The following DAB2 variants were observed in gnomAD, a reference collection of about 807,000 sequenced individuals.
DAB2 encodes the protein disabled homolog 2.
A neutral mutation model predicts 71.6 loss-of-function variants in DAB2; 28 were observed. The ratio of observed to expected loss-of-function variants is 0.39; its 90% CI spans 0.29 to 0.54. The LOEUF (loss-of-function observed/expected upper bound fraction) is 0.54, where lower values mean the gene tolerates loss of function less well. Among genes scored for constraint, DAB2 ranks in the 20% least tolerant of loss-of-function variants. The probability of loss-of-function intolerance (pLI) is 0.68; values close to 1 mark genes in which losing one functional copy is unlikely to be tolerated. For missense variants in DAB2, 867 were observed against 928.8 expected, an observed-to-expected ratio of 0.93 and a Z score of 0.86; for synonymous variants, 345 against 339.7, an observed-to-expected ratio of 1.02 and a Z score of -0.17.
chr5:39,412,837 T>C (rs547525425), intron 1 of DAB2, among the ~76,000 whole-genome samples: 39 of 152,270 alleles, frequency 2.6e-4, no homozygotes, highest in Non-Finnish European at 2.2e-4. Flanking sequence ...TTAATGTCTT[T>C]GCTTTACAAC....
At chr5:39,375,460 T>C (rs1274283205) in intron 13 of DAB2, among the ~76,000 whole-genome samples, 3 of 152,240 alleles carry the variant, frequency 2.0e-5, no homozygotes, top group Non-Finnish European at 4.4e-5. Flanking sequence ...AAGGATGTTT[T>C]CTATGTGATA....
rs576773941 is a variant in DAB2 at position 39,406,844 on chromosome 5, T to C, written c.-101-12423A>G. ...ACTTACATGAAAAATATTAGAGTTT[T>C]AATATTAAAAAAAACTACTACTGAC... On this transcript the variant is annotated intron_variant, in intron 1 of 14. Transcript: ENST00000320816. Among the ~76,000 whole-genome samples, 28 of 152,174 alleles carry C rather than the reference T, an allele frequency of 1.8e-4. 1 individual carries two copies. The highest frequency in any genetic ancestry group is 1.5e-3 in the East Asian group (8 of 5,194).
At chr5:39,375,216 G>A (rs62358391) in intron 13 of DAB2, 132 bp from the exon 14 acceptor site, 22,061 of 626,110 alleles carry the variant, frequency 0.035, 477 homozygotes, top group Non-Finnish European at 0.045. Context: ...CATTATATGG[G>A]GCTTACAGTG....
chr5:39,412,756 G>C (rs1755760115), intron 1 of DAB2, among the ~76,000 whole-genome samples: 1 of 152,136 alleles, frequency 6.6e-6, no homozygotes, highest in South Asian at 2.1e-4. Context: ...ATCCCTATTT[G>C]ACAGGAGAGG....
rs1244630680 is a variant in DAB2, at chr5:39,384,722, C to T, written c.688-1451G>A. Among the ~76,000 whole-genome samples, 8 of 152,108 alleles carry T rather than the reference C, an allele frequency of 5.3e-5. No individual in the cohort carries two copies. In the South Asian group the frequency reaches 1.2e-3, roughly 24 times the overall value. ...AGTAAAAGACAGAATTATAACTCAT[C>T]CTAGAACAGAACTTTCATACTGACA... On this transcript the variant is annotated intron_variant, in intron 9 of 14. Transcript: ENST00000320816.
chr5:39,381,701 C>A, intron 10 of DAB2, 85 bp from the exon 11 acceptor site: 1 of 1,454,738 alleles, frequency 6.9e-7, no homozygotes. Flanking sequence ...CCCTATACCC[C>A]AATTTGAGAG....
intron 1 of DAB2, among the ~76,000 whole-genome samples, chr5:39,416,770 C>T (rs978310188): frequency 1.2e-4 from 19 of 152,086 alleles, no homozygotes; most frequent in African/African-American, 2.9e-4. Flanking sequence ...GAGCTCTTCT[C>T]TCAATTCAAT....
At chr5:39,404,556 C>A (rs1252368242) in intron 1 of DAB2, among the ~76,000 whole-genome samples, 1 of 149,086 alleles carries the variant, frequency 6.7e-6, no homozygotes, top group East Asian at 2.0e-4. Context: ...AATAAGGGCA[C>A]ATTCTTTGTT....
intron 1 of DAB2, among the ~76,000 whole-genome samples, chr5:39,403,698 A>G (rs540141792): frequency 1.2e-3 from 168 of 144,614 alleles, no homozygotes; most frequent in Non-Finnish European, 1.8e-3. Context: ...TTGGCCTTTT[A>G]GTTTTAGTTT....
intron 11 of DAB2, among the ~76,000 whole-genome samples, chr5:39,378,606 C>G (rs1754887267): frequency 6.6e-6 from 1 of 152,222 alleles, no homozygotes; most frequent in African/African-American, 2.4e-5. Flanking sequence ...CATGGGCACA[C>G]ATGGTGTACT....
At chr5:39,380,986 T>C (rs780505753) in intron 11 of DAB2, among the ~76,000 whole-genome samples, 1 of 152,212 alleles carries the variant, frequency 6.6e-6, no homozygotes, top group Non-Finnish European at 1.5e-5. Context: ...CTATGACTTA[T>C]TCTTGCTTCA....
At chr5:39,390,394 A>G in intron 5 of DAB2, 50 bp downstream of exon 5, 1 of 1,575,990 alleles carries the variant, frequency 6.3e-7, no homozygotes, top group South Asian at 1.2e-5. Context: ...AGACACTCCA[A>G]TGTCCACAGA....
intron 4 of DAB2, chr5:39,392,129 ATTAACAGAC>A (rs1056710436): frequency 5.2e-6 from 2 of 382,604 alleles, no homozygotes; most frequent in African/African-American, 2.1e-5. Flanking sequence ...ATCTAAGCCT[ATTAACAGAC>A]TTAACAGACT....
At chr5:39,409,943 G>C (rs1755684926) in intron 1 of DAB2, among the ~76,000 whole-genome samples, 1 of 152,070 alleles carries the variant, frequency 6.6e-6, no homozygotes, top group Admixed American at 6.6e-5. Context: ...CTTCTTTCTT[G>C]GTTGTAATAC....
chr5:39,392,427 T>C lies in DAB2; in HGVS notation c.268A>G (p.Lys90Glu). ...AAAGRSQGQH[K>E]QRIWVNISLS... ...GAAATGTTGACCCAGATCCTTTGTT[T>C]GTGTTGTCCCTGAGACCGACCAGCT... The change falls in exon 4 of 15, where the codon AAA (lysine) becomes GAA (glutamate). Residue 90 changes from lysine (K) to glutamate (E), a missense_variant. Around this residue, in one of 2 missense-constraint regions of DAB2, gnomAD observed 127 missense variants for 194.4 expected, o/e 0.65. Transcript: ENST00000320816. The C allele has an allele frequency of 6.2e-7, 1 of 1,614,176 alleles. No homozygotes were observed. The highest frequency in any genetic ancestry group is 8.5e-7 in the Non-Finnish European group (1 of 1,180,004).
chr5:39,382,898 G>T lies in DAB2; in HGVS notation c.1061C>A (p.Thr354Asn). ...GCCTGCCTGAGCTTCCTGTTTGCCAGTCCGGTTAGAGATCTGGTCAAATTG... is the reference window on the plus strand; with the variant it reads ...GCCTGCCTGAGCTTCCTGTTTGCCATTCCGGTTAGAGATCTGGTCAAATTG... ...GQQFDQISNRTGKQEAQAGPW... is the reference protein window; with the variant it reads ...GQQFDQISNRNGKQEAQAGPW... Residue 354 changes from threonine to asparagine, a missense_variant, in exon 10 of 15, where the codon ACT becomes AAT. Thr to Asn is a moderately conservative substitution (Grantham distance 65, BLOSUM62 0). Around this residue, in one of 2 missense-constraint regions of DAB2, gnomAD observed 740 missense variants for 734.3 expected, o/e 1.01. Transcript: ENST00000320816. The T allele has an allele frequency of 6.2e-7, 1 of 1,614,152 alleles. No homozygotes were observed. The highest frequency in any genetic ancestry group is 2.2e-5 in the East Asian group (1 of 44,878).
chr5:39,409,846 C>G (rs1411865214), intron 1 of DAB2, among the ~76,000 whole-genome samples: 1 of 152,090 alleles, frequency 6.6e-6, no homozygotes, highest in Non-Finnish European at 1.5e-5. Context: ...ATTTAGATGA[C>G]CTCTACAGAT....
At chr5:39,380,066 C>T (rs192409613) in intron 11 of DAB2, among the ~76,000 whole-genome samples, 8 of 152,304 alleles carry the variant, frequency 5.3e-5, no homozygotes, top group African/African-American at 1.7e-4. Flanking sequence ...GATCTCGCTG[C>T]AGACATTGCA....
chr5:39,392,311 A>T, intron 4 of DAB2, 54 bp downstream of exon 4: 1 of 1,364,798 alleles, frequency 7.3e-7, no homozygotes, highest in Non-Finnish European at 1.0e-6. Flanking sequence ...CAAGTAGCAA[A>T]TTGTTGGTCA....
Sources: allele counts gnomAD v4.1 joint callset (sites outside exome capture counted in the v4.1 genomes callset), GRCh38; gene constraint gnomAD v4.1.1; regional missense constraint gnomAD v4.1.1; transcripts MANE v1.5; gene names NCBI Gene and HGNC (gene_info 2026-07-23, HGNC 2026-07-21).